Variants in SMARCA2 observed in about 807,000 individuals in gnomAD.
SMARCA2 encodes SWI/SNF related BAF chromatin remodeling complex subunit ATPase 2.
SMARCA2 carries 61 observed loss-of-function variants against 199.8 expected under a neutral mutation model. The ratio of observed to expected loss-of-function variants is 0.31; its 90% CI spans 0.25 to 0.38. The LOEUF is 0.38. Ranked by LOEUF, SMARCA2 falls within the 10% of genes least tolerant of loss-of-function variation. The pLI, the probability that SMARCA2 is intolerant of heterozygous loss-of-function variation, is 1.00. For missense variants in SMARCA2, 1,344 were observed against 2,012.2 expected, an observed-to-expected ratio of 0.67 and a Z score of 6.35; for synonymous variants, 935 against 732.0, an observed-to-expected ratio of 1.28 and a Z score of -4.48.
chr9:2,054,667 A>C lies in SMARCA2; in HGVS notation c.1117A>C (p.Arg373=). 1 of 1,614,174 alleles carries C rather than the reference A, an allele frequency of 6.2e-7. No individual in the cohort carries two copies. The highest frequency in any genetic ancestry group is 8.5e-7 in the Non-Finnish European group (1 of 1,180,002). ...NLPGSLPPDL[R]TKATVELKAL... is the part of the protein sequence containing the mutation. Reference sequence around the variant, plus strand: ...GCCTGGCTCTTTGCCACCAGATTTAAGAACCAAAGCAACCGTGGAACTAAA... The same window carrying C: ...GCCTGGCTCTTTGCCACCAGATTTACGAACCAAAGCAACCGTGGAACTAAA... Residue 373 remains arginine, a synonymous_variant, in exon 6 of 34, where the codon AGA becomes CGA. Coordinates refer to ENST00000349721, the MANE Select transcript of SMARCA2 (RefSeq NM_003070.5).
At chr9:2,175,301 G>A (rs150740922) in intron 29 of SMARCA2, among the ~76,000 whole-genome samples, 1 of 148,670 alleles carries the variant, frequency 6.7e-6, no homozygotes, top group Admixed American at 6.6e-5. Flanking sequence ...GAAAATGCTT[G>A]TCCCCGCCCC....
At chr9:2,089,580 C>T (rs1821961758) in intron 19 of SMARCA2, among the ~76,000 whole-genome samples, 1 of 152,100 alleles carries the variant, frequency 6.6e-6, no homozygotes, top group Non-Finnish European at 1.5e-5. Flanking sequence ...ATCCTTTATG[C>T]ATTGTCAGAA....
intron 27 of SMARCA2, among the ~76,000 whole-genome samples, chr9:2,139,547 C>T (rs1341342527): frequency 1.3e-5 from 2 of 152,084 alleles, no homozygotes; most frequent in East Asian, 3.9e-4. Flanking sequence ...TTAATAAGTC[C>T]AGCATAGGGG....
intron 32 of SMARCA2, among the ~76,000 whole-genome samples, chr9:2,188,824 C>G (rs762090751): frequency 6.6e-6 from 1 of 152,178 alleles, no homozygotes; most frequent in Non-Finnish European, 1.5e-5. Context: ...CATCCTGGTT[C>G]TCAGCAGAGT....
intron 7 of SMARCA2, among the ~76,000 whole-genome samples, chr9:2,057,175 G>A (rs540004118): frequency 6.6e-6 from 1 of 152,338 alleles, no homozygotes; most frequent in African/African-American, 2.4e-5. Context: ...TCACCGTTCT[G>A]GAGGCTGGAA....
intron 24 of SMARCA2, among the ~76,000 whole-genome samples, chr9:2,114,161 A>C (rs1823122406): frequency 6.6e-6 from 1 of 152,192 alleles, no homozygotes. Flanking sequence ...AAAAGCTTAA[A>C]AAGGAACTTT....
chr9:2,093,146 C>T (rs550862241), intron 19 of SMARCA2, among the ~76,000 whole-genome samples: 55 of 152,116 alleles, frequency 3.6e-4, no homozygotes, highest in Non-Finnish European at 6.8e-4. Context: ...GAGGGCTACT[C>T]ACACTGAATA....
At chr9:2,100,584 C>T (rs956100739) in intron 21 of SMARCA2, among the ~76,000 whole-genome samples, 8 of 152,040 alleles carry the variant, frequency 5.3e-5, no homozygotes, top group African/African-American at 1.7e-4. Flanking sequence ...ATGCTGTAGT[C>T]CCAGCTATTC....
chr9:2,037,360 T>C (rs761583739), intron 3 of SMARCA2, among the ~76,000 whole-genome samples: 35 of 152,342 alleles, frequency 2.3e-4, no homozygotes, highest in Non-Finnish European at 2.4e-4. Context: ...ATGGTGTTTG[T>C]GCTTCCTCAC....
At chr9:2,134,108 C>T (rs555007492) in intron 27 of SMARCA2, among the ~76,000 whole-genome samples, 4 of 152,194 alleles carry the variant, frequency 2.6e-5, no homozygotes, top group Non-Finnish European at 4.4e-5. Context: ...CCAATTATTT[C>T]GAAGAAGACC....
intron 22 of SMARCA2, among the ~76,000 whole-genome samples, chr9:2,103,784 T>C (rs541397957): frequency 2.0e-5 from 3 of 152,270 alleles, no homozygotes; most frequent in African/African-American, 7.2e-5. Context: ...ACCTAGTATA[T>C]GCAATGCACT....
chr9:2,123,555 T>C lies in SMARCA2; in HGVS notation c.3763-164T>C, dbSNP rs1354053277. On this transcript the variant is annotated intron_variant, in intron 26 of 33. Coordinates refer to ENST00000349721, the MANE Select transcript of SMARCA2 (RefSeq NM_003070.5). The surrounding 1 kb of genome is among the most constrained non-coding windows in gnomAD (Gnocchi z 4.1). ...AGGGGATTTTACTTAATGGAATCTC[T>C]CCCTAGATATTTAGGGATGAGCTAG... Among the ~76,000 whole-genome samples the C allele has an allele frequency of 6.6e-6, 1 of 152,134 alleles. No homozygotes were observed. The highest frequency in any genetic ancestry group is 2.1e-4 in the South Asian group (1 of 4,814).
chr9:2,127,883 T>C (rs3829073), intron 27 of SMARCA2, among the ~76,000 whole-genome samples: 48,082 of 152,134 alleles, frequency 0.32, 12,442 homozygotes, highest in African/African-American at 0.7. Flanking sequence ...AGAATCTGTT[T>C]AGTTGGTGGA....
chr9:2,192,449 C>T (rs932488755), intron 33 of SMARCA2: 1 of 485,580 alleles, frequency 2.1e-6, no homozygotes, highest in Non-Finnish European at 3.7e-6. Flanking sequence ...ATAAACCTTT[C>T]AAGCCAAAGT....
At position 2,101,603 on chromosome 9, in the gene SMARCA2, G is replaced by C; in HGVS notation, c.3112G>C (p.Gly1038Arg). The C allele has an allele frequency of 6.4e-7, 1 of 1,555,260 alleles. No homozygotes were observed. The highest frequency in any genetic ancestry group is 8.8e-7 in the Non-Finnish European group (1 of 1,136,810). The change falls in exon 22 of 34, where the codon GGG becomes CGG. Residue 1038 changes from glycine (G) to arginine (R), a missense_variant. Physicochemically the swap from Gly to Arg is moderately radical, Grantham distance 125. Coordinates refer to ENST00000349721, the MANE Select transcript of SMARCA2 (RefSeq NM_003070.5). Reference protein sequence around the residue: ...SFAEHLGYSNGVINGAELYRA... With the variant: ...SFAEHLGYSNRVINGAELYRA... ...TGCTGAACACCTAGGCTATTCAAAT[G>C]GGGTCATCAATGGGTAAATCTCAAA...
intron 12 of SMARCA2, among the ~76,000 whole-genome samples, chr9:2,074,689 A>G (rs1821245601): frequency 6.6e-6 from 1 of 152,188 alleles, no homozygotes; most frequent in Admixed American, 6.5e-5. Flanking sequence ...CAACATGGTG[A>G]AACCCCATTT....
At chr9:2,047,517 G>C (rs561596986) in intron 5 of SMARCA2, 33 bp downstream of exon 5, 3 of 1,353,544 alleles carry the variant, frequency 2.2e-6, no homozygotes, top group Admixed American at 3.0e-5. Flanking sequence ...GGCCCCCTGC[G>C]GTGTGCTAGC....
chr9:2,077,585 C>T (rs1462517102), intron 13 of SMARCA2, 44 bp from the exon 14 acceptor site: 2 of 1,585,920 alleles, frequency 1.3e-6, no homozygotes, highest in East Asian at 2.3e-5. Flanking sequence ...ACAACACATG[C>T]ACGCACATGT....
intron 31 of SMARCA2, among the ~76,000 whole-genome samples, chr9:2,183,251 A>G (rs1049113603): frequency 6.6e-6 from 1 of 152,244 alleles, no homozygotes; most frequent in Non-Finnish European, 1.5e-5. Flanking sequence ...TGAAACTACT[A>G]GAATTTAAGA....
Sources: gnomAD v4.1 joint callset for allele counts (sites outside exome capture counted in the v4.1 genomes callset) on GRCh38, gnomAD v4.1.1 for gene constraint, Gnocchi (gnomAD v3.1) non-coding constraint, MANE v1.5 for transcripts, NCBI Gene and HGNC (gene_info 2026-07-23, HGNC 2026-07-21) for gene names.